The following OPRM1 variants were observed in gnomAD, a reference collection of about 807,000 sequenced individuals.
OPRM1 encodes opioid receptor mu 1.
In OPRM1, 27 loss-of-function variants were observed where a neutral mutation model predicts 31.8. That is an observed-to-expected ratio of 0.85 (90% CI 0.63 to 1.17). The LOEUF is 1.17. OPRM1 is among the 50% of genes most tolerant of loss of function. The pLI is 0.00. For missense variants in OPRM1, 536 were observed against 511.1 expected (o/e 1.05, Z -0.47); for synonymous variants, 196 against 189.9 (o/e 1.03, Z -0.26).
At chr6:154,234,610 C>T (rs770997522) in intron 3 of OPRM1, among the ~76,000 whole-genome samples, 7 of 152,200 alleles carry the variant, frequency 4.6e-5, no homozygotes, top group Non-Finnish European at 8.8e-5. Flanking sequence ...CACATTACGT[C>T]ATATTTAGGT....
intron 3 of OPRM1, among the ~76,000 whole-genome samples, chr6:154,146,657 A>G (rs1798365938): frequency 6.6e-6 from 1 of 152,204 alleles, no homozygotes. Context: ...TTCTAGCTTC[A>G]TTCTTGGGAC....
chr6:154,232,775 C>G (rs1306273576), intron 3 of OPRM1, among the ~76,000 whole-genome samples: 1 of 152,028 alleles, frequency 6.6e-6, no homozygotes, highest in Admixed American at 6.5e-5. Context: ...AGTGAATAAG[C>G]AGCTATAACC....
At chr6:154,157,863 C>T (rs1798778146) in intron 3 of OPRM1, 1 of 152,266 alleles carries the variant, frequency 6.6e-6, no homozygotes, top group South Asian at 2.1e-4. Context: ...GGTTAAAGCA[C>T]TGCTTTCCTA....
At chr6:154,198,242 G>C (rs1305271126) in intron 3 of OPRM1, among the ~76,000 whole-genome samples, 1 of 152,108 alleles carries the variant, frequency 6.6e-6, no homozygotes, top group Non-Finnish European at 1.5e-5. Context: ...ACTCAATTCT[G>C]TGCTTCCAAG....
intron 3 of OPRM1, among the ~76,000 whole-genome samples, chr6:154,150,236 G>A (rs1178552611): frequency 1.3e-5 from 2 of 152,198 alleles, no homozygotes; most frequent in Non-Finnish European, 2.9e-5. Context: ...ATGAATTCCT[G>A]TGGCAGACAA....
At chr6:154,013,730 G>C (rs1033024018) in intron 1 of OPRM1, among the ~76,000 whole-genome samples, 1 of 152,078 alleles carries the variant, frequency 6.6e-6, no homozygotes, top group African/African-American at 2.4e-5. Context: ...TGACTGAAAG[G>C]TGATCAAAGC....
chr6:154,146,695 C>A (rs947272192), intron 3 of OPRM1, among the ~76,000 whole-genome samples: 3 of 152,106 alleles, frequency 2.0e-5, no homozygotes, highest in African/African-American at 7.2e-5. Flanking sequence ...AGGAGAAACA[C>A]AATATCATCC....
chr6:154,116,816 C>T (rs536472385), intron 3 of OPRM1, among the ~76,000 whole-genome samples: 1 of 152,250 alleles, frequency 6.6e-6, no homozygotes, highest in East Asian at 1.9e-4. Flanking sequence ...AATGCAGCAG[C>T]CAAGTGTCGA....
Position 154,091,472 on chromosome 6 carries a change from G to C in OPRM1, c.1164G>C (p.Gln388His). The stretch of plus-strand genomic sequence containing the variant: ...ATACAGTGGATAGAACTAATCATCA[G>C]GTACGCAGTCTCTAGAATTAGGTAT... ...TANTVDRTNH[Q>H]LENLEAETAP... Residue 388 changes from glutamine to histidine, a missense_variant and splice_region_variant, in exon 3 of 4, where the codon CAG becomes CAC. By Grantham distance (24) the Gln-to-His change is conservative. Coordinates refer to ENST00000330432, the MANE Select transcript of OPRM1 (RefSeq NM_000914.5). 2 of 1,608,384 alleles carry C rather than the reference G, an allele frequency of 1.2e-6. No homozygotes were observed. The highest frequency in any genetic ancestry group is 1.7e-6 in the Non-Finnish European group (2 of 1,178,892).
intron 1 of OPRM1, among the ~76,000 whole-genome samples, chr6:154,085,035 C>G (rs969442563): frequency 6.6e-6 from 1 of 152,032 alleles, no homozygotes; most frequent in African/African-American, 2.4e-5. Context: ...CACCACAATT[C>G]AAATAATTAA....
At position 154,107,402 on chromosome 6, in the gene OPRM1, G is replaced by A. The variant is rs650825; in HGVS notation, c.1165-11281G>A. ...GAGAAAGGAAAATTTCAGACAGTCC[G>A]CAGAGGAGAAGAGAATAGACGTCTT... On this transcript the variant is annotated intron_variant, in intron 3 of 3. Transcript: ENST00000330432. 151,879 of 711,352 alleles carry A rather than the reference G, an allele frequency of 0.21. 17,328 individuals carry two copies. The highest frequency in any genetic ancestry group is 0.28 in the Middle Eastern group (1,206 of 4,300). The allele number at this position is 711,352 out of a possible 1,614,324, so 44.1% of individuals were successfully genotyped here.
chr6:154,043,731 C>T (rs1222134951), intron 1 of OPRM1, among the ~76,000 whole-genome samples: 1 of 151,986 alleles, frequency 6.6e-6, no homozygotes, highest in Non-Finnish European at 1.5e-5. Flanking sequence ...AAGTGAAAAA[C>T]ACTAAATAAA....
intron 3 of OPRM1, among the ~76,000 whole-genome samples, chr6:154,232,687 G>A (rs1171304815): frequency 6.6e-6 from 1 of 152,158 alleles, no homozygotes; most frequent in African/African-American, 2.4e-5. Context: ...CCTGGATTTG[G>A]AATTAATGTC....
intron 1 of OPRM1, among the ~76,000 whole-genome samples, chr6:154,013,488 T>C (rs924351017): frequency 1.8e-4 from 28 of 152,182 alleles, no homozygotes; most frequent in Non-Finnish European, 3.5e-4. Flanking sequence ...AATTTCATTT[T>C]GGACAAAATT....
At position 154,012,840 on chromosome 6, in the gene OPRM1, C is replaced by T. The variant is rs79907990; in HGVS notation, c.-1+1822C>T. Among the ~76,000 whole-genome samples the T allele has an allele frequency of 2.9e-4, 44 of 152,110 alleles. No homozygotes were observed. In the East Asian group the frequency reaches 7.6e-3, roughly 26 times the overall value. On this transcript the variant is annotated intron_variant, in intron 1 of 5. Transcript: ENST00000434900. The stretch of plus-strand genomic sequence containing the variant: ...GCTTTCTTCCAGGTTTATAGATAGC[C>T]GTCCTTTGCTGTGTCTTCACATGAC...
intron 3 of OPRM1, among the ~76,000 whole-genome samples, chr6:154,167,641 T>A (rs925292060): frequency 6.6e-6 from 1 of 152,212 alleles, no homozygotes; most frequent in Non-Finnish European, 1.5e-5. Context: ...AAATTATGCA[T>A]GGTCCTTGCT....
At chr6:154,018,545 A>T (rs1392830390) in intron 1 of OPRM1, among the ~76,000 whole-genome samples, 4 of 151,720 alleles carry the variant, frequency 2.6e-5, no homozygotes, top group Non-Finnish European at 5.9e-5. Context: ...GCATATCAAA[A>T]ATGTGGGAGA....
chr6:154,166,819 T>C (rs1008417862), intron 3 of OPRM1, among the ~76,000 whole-genome samples: 1 of 152,210 alleles, frequency 6.6e-6, no homozygotes, highest in African/African-American at 2.4e-5. Flanking sequence ...TTACATTGAA[T>C]AATCAAATAT....
downstream of OPRM1, among the ~76,000 whole-genome samples, chr6:154,133,049 A>G (rs1402851267): frequency 6.6e-6 from 1 of 151,224 alleles, no homozygotes; most frequent in Non-Finnish European, 1.5e-5. Flanking sequence ...TGAACCCGGG[A>G]GGCGGAGCTT....
Sources: allele counts gnomAD v4.1 joint callset (sites outside exome capture counted in the v4.1 genomes callset), GRCh38; gene constraint gnomAD v4.1.1; transcripts MANE v1.5; gene names NCBI Gene and HGNC (gene_info 2026-07-23, HGNC 2026-07-21).